Variants in WNK1 observed in about 807,000 individuals in gnomAD.
WNK1 encodes the protein serine/threonine-protein kinase WNK1.
A neutral mutation model predicts 222.8 loss-of-function variants in WNK1; 38 were observed. That is an observed-to-expected ratio of 0.17 (90% CI 0.13 to 0.22). The LOEUF is 0.22. WNK1 is among the 10% of genes least tolerant of loss of function. The pLI is 1.00. For synonymous variants in WNK1, 1,090 were observed against 1,092.9 expected (o/e 1.00, Z 0.05); for missense variants, 2,348 against 2,918.4 (o/e 0.80, Z 4.50).
chr12:872,847 G>A (rs147792461), intron 9 of WNK1, among the ~76,000 whole-genome samples: 9 of 152,290 alleles, frequency 5.9e-5, no homozygotes, highest in Admixed American at 1.3e-4. Flanking sequence ...TTAAGATCAG[G>A]AGTTGCTTGT....
chr12:841,249 C>T (rs573260343), intron 4 of WNK1, among the ~76,000 whole-genome samples: 1 of 152,272 alleles, frequency 6.6e-6, no homozygotes, highest in South Asian at 2.1e-4. Flanking sequence ...TACCAGTTAG[C>T]AGTCATTTCC....
intron 8 of WNK1, chr12:865,222 C>T: frequency 6.5e-7 from 1 of 1,536,098 alleles, no homozygotes; most frequent in South Asian, 1.2e-5. Context: ...GTCTGCACCT[C>T]TTTCTCCTTC....
chr12:754,439 C>A, intron 1 of WNK1, 115 bp downstream of exon 1: 3 of 1,338,500 alleles, frequency 2.2e-6, no homozygotes, highest in Non-Finnish European at 3.2e-6. Flanking sequence ...CCGAGTGGGA[C>A]GGGGAGGCCA....
rs71051382 is a variant in WNK1, at chr12:767,234, G to GTTTTTTT, written c.759+12939_759+12945dup. On this transcript the variant is annotated intron_variant, in intron 1 of 27. Transcript: ENST00000315939. Reference sequence around the variant, plus strand: ...TGTGGCAGACTTTCTGGGTTGATAGGTTTTTTTTTTTTTTTTTTTTTTTTT... The same window carrying GTTTTTTT: ...TGTGGCAGACTTTCTGGGTTGATAGGTTTTTTTTTTTTTTTTTTTTTTTTTTTTTTTT... 1.1e-3 allele frequency among the ~76,000 whole-genome samples: 80 copies of GTTTTTTT among 70,886 alleles called. 8 individuals are homozygous for GTTTTTTT. The highest frequency in any genetic ancestry group is 3.7e-3 in the African/African-American group (59 of 15,762). The allele number at this position is 70,886 out of a possible 152,430, so 46.5% of individuals were successfully genotyped here. A position where few individuals can be genotyped will look rare whatever the true frequency, so the allele number is the denominator to read the frequency against.
chr12:862,354 G>A, intron 8 of WNK1, 84 bp downstream of exon 8: 2 of 1,405,882 alleles, frequency 1.4e-6, no homozygotes, highest in Non-Finnish European at 1.0e-6. Context: ...TACAAACCAA[G>A]TAACAGTATG....
chr12:891,417 C>T (rs1445048206), intron 22 of WNK1, among the ~76,000 whole-genome samples: 3 of 152,114 alleles, frequency 2.0e-5, no homozygotes, highest in African/African-American at 4.8e-5. Flanking sequence ...GGATTACAGG[C>T]GTGAGCCACC....
intron 1 of WNK1, among the ~76,000 whole-genome samples, chr12:769,319 C>T (rs563168002): frequency 4.8e-4 from 73 of 152,264 alleles, no homozygotes; most frequent in Non-Finnish European, 8.7e-4. Context: ...ATGCCTCAGC[C>T]TCCCAAATTG....
rs575182908 is a variant in WNK1, at chr12:762,895, C to T, written c.759+8571C>T. 1.8e-4 allele frequency among the ~76,000 whole-genome samples: 27 copies of T among 146,172 alleles called. 2 individuals carry two copies. Among genetic ancestry groups the T allele is most frequent in the East Asian group, 7.9e-4 (4 of 5,054 alleles). ...CCGAGTAGCTGGGATTACAGGAAGG[C>T]GCCACCATGCCCAGCTAATTTTGTA... On this transcript the variant is annotated intron_variant, in intron 1 of 27. Coordinates refer to ENST00000315939, the MANE Select transcript of WNK1 (RefSeq NM_018979.4).
Position 890,524 on chromosome 12 carries a change from T to A in WNK1, c.5509+11T>A. On this transcript the variant is annotated intron_variant, in intron 22 of 27. Coordinates refer to ENST00000315939, the MANE Select transcript of WNK1 (RefSeq NM_018979.4). Reference sequence around the variant, plus strand: ...AGCCTCAGAAGGGTGGTGAGAAACATCCTTCCTCCTTTTATATTACTAATT... The same window carrying A: ...AGCCTCAGAAGGGTGGTGAGAAACAACCTTCCTCCTTTTATATTACTAATT... 6.2e-7 allele frequency: 1 copy of A among 1,613,764 alleles called. No individual in the cohort carries two copies. Among genetic ancestry groups the A allele is most frequent in the Non-Finnish European group, 8.5e-7 (1 of 1,179,684 alleles).
At chr12:908,165 A>G in intron 27 of WNK1, 131 bp downstream of exon 27, 6 of 1,193,630 alleles carry the variant, frequency 5.0e-6, no homozygotes, top group South Asian at 1.3e-5. Context: ...AAACAAGGCA[A>G]AAATCCCCCA....
intron 25 of WNK1, among the ~76,000 whole-genome samples, chr12:898,445 T>A (rs1252322495): frequency 1.4e-5 from 2 of 142,226 alleles, no homozygotes; most frequent in Non-Finnish European, 3.0e-5. Context: ...ATTGCACCAC[T>A]GCACTCCAGC....
At position 829,970 on chromosome 12, in the gene WNK1, C is replaced by G. The variant is rs761298843; in HGVS notation, c.1154-33C>G. The G allele has an allele frequency of 3.7e-6, 6 of 1,613,256 alleles. No individual in the cohort carries two copies. In the Admixed American group the frequency reaches 1.0e-4, roughly 27 times the overall value. ...GTGAGTAACGTCTGAAGCTTCTGCT[C>G]GCATTGAGTCTGAATCGTTCTTTTA... On this transcript the variant is annotated intron_variant, in intron 3 of 27. Transcript: ENST00000315939.
chr12:767,045 G>C (rs1399040571), intron 1 of WNK1, among the ~76,000 whole-genome samples: 1 of 152,104 alleles, frequency 6.6e-6, no homozygotes, highest in African/African-American at 2.4e-5. Flanking sequence ...CCAAAGTGTT[G>C]GGATTACAGG....
chr12:867,835 TG>T, intron 8 of WNK1: 1 of 1,612,004 alleles, frequency 6.2e-7, no homozygotes, highest in Non-Finnish European at 8.5e-7. Flanking sequence ...TATGAATGTA[TG>T]AATTACTTGT....
intron 4 of WNK1, among the ~76,000 whole-genome samples, chr12:845,859 A>AG (rs1477304278): frequency 6.6e-6 from 1 of 152,188 alleles, no homozygotes; most frequent in Non-Finnish European, 1.5e-5. Context: ...TAAATGGGAG[A>AG]ACAAGCTAAC....
chr12:834,308 C>T (rs1013306148), intron 4 of WNK1, among the ~76,000 whole-genome samples: 2 of 152,118 alleles, frequency 1.3e-5, no homozygotes, highest in South Asian at 4.1e-4. Flanking sequence ...AGAGAGTTTC[C>T]GGTTGGTAAT....
chr12:883,085 T>A, intron 15 of WNK1, 26 bp downstream of exon 15: 1 of 1,502,188 alleles, frequency 6.7e-7, no homozygotes, highest in Non-Finnish European at 9.3e-7. Context: ...GAGTTCTAGG[T>A]TTTTCCTTAG....
At chr12:883,625 T>G in intron 16 of WNK1, 57 bp downstream of exon 16, 1 of 1,610,870 alleles carries the variant, frequency 6.2e-7, no homozygotes, top group Non-Finnish European at 8.5e-7. Context: ...TTCATAGTTC[T>G]AAATTTGCTA....
intron 1 of WNK1, among the ~76,000 whole-genome samples, chr12:762,042 A>G (rs1010972343): frequency 1.0e-4 from 13 of 130,614 alleles, no homozygotes; most frequent in African/African-American, 3.1e-4. Context: ...ATCCTCCTGT[A>G]TAGTTTATTT....
Sources: allele counts gnomAD v4.1 joint callset (sites outside exome capture counted in the v4.1 genomes callset), GRCh38; gene constraint gnomAD v4.1.1; transcripts MANE v1.5; gene names NCBI Gene and HGNC (gene_info 2026-07-23, HGNC 2026-07-21).